Variants in GALNTL6 observed in about 807,000 individuals in gnomAD.
GALNTL6 encodes polypeptide N-acetylgalactosaminyltransferase-like 6.
GALNTL6 carries 46 observed loss-of-function variants against 73.7 expected under a neutral mutation model. That is an observed-to-expected ratio of 0.62 (90% CI 0.49 to 0.80). GALNTL6 has a LOEUF of 0.80. GALNTL6 is among the 30% of genes least tolerant of loss of function. The probability of loss-of-function intolerance (pLI) is 0.00; values close to 1 mark genes in which losing one functional copy is unlikely to be tolerated. For missense variants in GALNTL6, 604 were observed against 755.0 expected, an observed-to-expected ratio of 0.80 and a Z score of 2.34; for synonymous variants, 259 against 263.7, an observed-to-expected ratio of 0.98 and a Z score of 0.17.
chr4:172,578,657 G>C (rs533771696), intron 5 of GALNTL6, among the ~76,000 whole-genome samples: 30 of 152,132 alleles, frequency 2.0e-4, no homozygotes, highest in Non-Finnish European at 3.5e-4. Flanking sequence ...CAATTTGATA[G>C]TTCATTTTCC....
intron 2 of GALNTL6, among the ~76,000 whole-genome samples, chr4:171,834,843 G>C (rs554997490): frequency 6.6e-6 from 1 of 151,966 alleles, no homozygotes; most frequent in Admixed American, 6.6e-5. Flanking sequence ...TGATGAACCA[G>C]GGGGAGGAGT....
intron 5 of GALNTL6, among the ~76,000 whole-genome samples, chr4:172,659,858 T>C (rs1476507143): frequency 1.3e-5 from 2 of 152,174 alleles, no homozygotes; most frequent in Non-Finnish European, 2.9e-5. Context: ...GCTTCAACTC[T>C]TCCCCAGGAG....
chr4:172,892,467 T>G (rs868359394), intron 8 of GALNTL6, among the ~76,000 whole-genome samples: 21 of 152,234 alleles, frequency 1.4e-4, no homozygotes, highest in African/African-American at 5.1e-4. Context: ...TGTTGGGTGT[T>G]GAAGAAATTT....
At chr4:172,049,462 T>G (rs1296968708) in intron 2 of GALNTL6, among the ~76,000 whole-genome samples, 1 of 152,188 alleles carries the variant, frequency 6.6e-6, no homozygotes, top group Non-Finnish European at 1.5e-5. Context: ...CACTTCCTTT[T>G]ATATTTATCT....
intron 3 of GALNTL6, among the ~76,000 whole-genome samples, chr4:172,240,959 C>T (rs836316): frequency 0.99 from 150,365 of 152,312 alleles, 74,250 homozygotes; most frequent in East Asian, 1. Context: ...TTCTTTTTCA[C>T]CTGTGTGGGC....
chr4:172,179,117 C>G (rs575471330), intron 2 of GALNTL6, among the ~76,000 whole-genome samples: 1 of 146,130 alleles, frequency 6.8e-6, no homozygotes, highest in African/African-American at 2.6e-5. Flanking sequence ...AATAAACATA[C>G]GTGTGCATGT....
intron 5 of GALNTL6, among the ~76,000 whole-genome samples, chr4:172,800,093 G>A (rs1740540334): frequency 6.6e-6 from 1 of 152,088 alleles, no homozygotes; most frequent in South Asian, 2.1e-4. Flanking sequence ...AGGTATAATG[G>A]TGGTTGCCTG....
rs930990876 is a variant in GALNTL6, at chr4:172,142,568, G to A, written c.139-87088G>A. ...GTTCAATTGGAATCTGAATTACACA[G>A]TTGATGCTAAACTATACCAGAATTA... On this transcript the variant is annotated intron_variant, in intron 2 of 12. Coordinates refer to ENST00000506823, the MANE Select transcript of GALNTL6 (RefSeq NM_001034845.3). Among the ~76,000 whole-genome samples, 4 of 152,154 alleles carry A rather than the reference G, an allele frequency of 2.6e-5. No homozygotes were observed. The South Asian group carries it at 8.3e-4, about 32-fold the overall frequency.
chr4:171,838,369 C>A (rs960976336), intron 2 of GALNTL6, among the ~76,000 whole-genome samples: 15 of 152,064 alleles, frequency 9.9e-5, no homozygotes, highest in Non-Finnish European at 1.8e-4. Context: ...GTGATCCACC[C>A]ACCTTGGCCT....
chr4:171,881,711 G>C (rs1736456953), intron 2 of GALNTL6, among the ~76,000 whole-genome samples: 1 of 152,178 alleles, frequency 6.6e-6, no homozygotes, highest in Non-Finnish European at 1.5e-5. Flanking sequence ...CTTCTTCCTA[G>C]TTTCTTGCTA....
intron 2 of GALNTL6, among the ~76,000 whole-genome samples, chr4:171,851,068 T>C (rs1055804479): frequency 6.6e-6 from 1 of 152,204 alleles, no homozygotes; most frequent in Admixed American, 6.5e-5. Flanking sequence ...TAGTGTATAA[T>C]TCACAAGACA....
chr4:173,026,780 A>C (rs1355176549), intron 12 of GALNTL6, among the ~76,000 whole-genome samples: 1 of 152,074 alleles, frequency 6.6e-6, no homozygotes, highest in African/African-American at 2.4e-5. Flanking sequence ...TATGCATTGC[A>C]ATATCTTATT....
intron 2 of GALNTL6, among the ~76,000 whole-genome samples, chr4:172,014,115 T>C (rs1304115007): frequency 1.3e-5 from 2 of 152,118 alleles, no homozygotes; most frequent in Non-Finnish European, 2.9e-5. Flanking sequence ...TTCACTCATT[T>C]ATCTGCTGAT....
chr4:172,737,274 A>G (rs1304203539), intron 5 of GALNTL6, among the ~76,000 whole-genome samples: 6 of 152,110 alleles, frequency 3.9e-5, no homozygotes, highest in African/African-American at 9.6e-5. Flanking sequence ...ATAATTTTCT[A>G]TGTCTTGCAG....
intron 2 of GALNTL6, among the ~76,000 whole-genome samples, chr4:172,061,030 T>C (rs1277992024): frequency 6.6e-6 from 1 of 152,182 alleles, no homozygotes; most frequent in African/African-American, 2.4e-5. Context: ...ACAATCTTTC[T>C]AATTAGCCAT....
chr4:172,741,546 A>G (rs1369779491), intron 5 of GALNTL6, among the ~76,000 whole-genome samples: 1 of 152,076 alleles, frequency 6.6e-6, no homozygotes, highest in East Asian at 1.9e-4. Flanking sequence ...AAAGTCTAGC[A>G]TTACATAGAA....
intron 8 of GALNTL6, among the ~76,000 whole-genome samples, chr4:172,895,402 A>T (rs2653822): frequency 0.08 from 9,096 of 114,196 alleles, 563 homozygotes; most frequent in African/African-American, 0.23. Flanking sequence ...ATATATATAT[A>T]TTTTTTTTTT....
chr4:172,240,523 G>A lies in GALNTL6; in HGVS notation c.247+10759G>A, dbSNP rs531513444. Among the ~76,000 whole-genome samples the A allele has an allele frequency of 6.6e-5, 10 of 152,090 alleles. No individual in the cohort carries two copies. The South Asian group carries it at 1.9e-3, about 28-fold the overall frequency. On this transcript the variant is annotated intron_variant, in intron 3 of 12. Coordinates refer to ENST00000506823, the MANE Select transcript of GALNTL6 (RefSeq NM_001034845.3). ...TGGGATTACAGGCGTGAGCCACTGCGCCCAGGCTTTGTTTGTTATTTTTTA... is the reference window on the plus strand; with the variant it reads ...TGGGATTACAGGCGTGAGCCACTGCACCCAGGCTTTGTTTGTTATTTTTTA...
rs180871128 is a variant in GALNTL6, at chr4:172,324,739, A to G, written c.386+12987A>G. Reference sequence around the variant, plus strand: ...TTGAAGTAATAGAGTATTTTCTTTGACCAAACTTCTATTAAATTATTAATC... The same window carrying G: ...TTGAAGTAATAGAGTATTTTCTTTGGCCAAACTTCTATTAAATTATTAATC... On this transcript the variant is annotated intron_variant, in intron 4 of 12. Transcript: ENST00000506823. 8.0e-4 allele frequency among the ~76,000 whole-genome samples: 121 copies of G among 151,172 alleles called. 2 individuals are homozygous for G. The South Asian group carries it at 0.016, about 20-fold the overall frequency.
Sources: gnomAD v4.1 joint callset for allele counts (sites outside exome capture counted in the v4.1 genomes callset) on GRCh38, gnomAD v4.1.1 for gene constraint, MANE v1.5 for transcripts, NCBI Gene and HGNC (gene_info 2026-07-23, HGNC 2026-07-21) for gene names.